Variants in ITPR2 observed in about 807,000 individuals in gnomAD.
ITPR2 encodes the protein inositol 1,4,5-trisphosphate-gated calcium channel ITPR2.
Under a neutral mutation model 317.1 loss-of-function variants are expected in ITPR2, and 207 were observed. That is an observed-to-expected ratio of 0.65 (90% CI 0.58 to 0.73). The LOEUF (loss-of-function observed/expected upper bound fraction) is 0.73. Ranked by LOEUF, ITPR2 falls within the 30% of genes least tolerant of loss-of-function variation. The pLI is 0.00. For missense variants in ITPR2, 2,613 were observed against 3,284.0 expected (o/e 0.80, Z 4.99); for synonymous variants, 1,156 against 1,149.1 (o/e 1.01, Z -0.12).
chr12:26,520,923 A>G (rs1943645266), intron 37 of ITPR2, among the ~76,000 whole-genome samples: 3 of 152,234 alleles, frequency 2.0e-5, no homozygotes, highest in Admixed American at 2.0e-4. Flanking sequence ...GGAATCAAGT[A>G]GAATTAGTTT....
chr12:26,555,602 G>A (rs1376199959), intron 36 of ITPR2, among the ~76,000 whole-genome samples: 1 of 152,168 alleles, frequency 6.6e-6, no homozygotes, highest in Non-Finnish European at 1.5e-5. Context: ...AGATACTCTA[G>A]GGTAAACATA....
intron 52 of ITPR2, among the ~76,000 whole-genome samples, chr12:26,404,092 G>C (rs1940269191): frequency 6.6e-6 from 1 of 152,196 alleles, no homozygotes; most frequent in East Asian, 1.9e-4. Flanking sequence ...GAGGTGGAAA[G>C]ACCACTTAGG....
chr12:26,444,738 G>A (rs1215065215), intron 45 of ITPR2, among the ~76,000 whole-genome samples: 1 of 44,726 alleles, frequency 2.2e-5, no homozygotes, highest in South Asian at 9.3e-4. Context: ...TAATCATGGA[G>A]ATGAATTTTA....
intron 55 of ITPR2, among the ~76,000 whole-genome samples, chr12:26,354,306 G>C (rs1175668750): frequency 6.6e-6 from 1 of 152,086 alleles, no homozygotes; most frequent in Admixed American, 6.5e-5. Flanking sequence ...TTTGGTAAAT[G>C]CATCTGTTAC....
At position 26,717,102 on chromosome 12, in the gene ITPR2, T is replaced by G. The variant is rs528027146; in HGVS notation, c.526-860A>C. Reference sequence around the variant, plus strand: ...CTGAATTTATTTAGAAGACATATTATTATAGTAAATAAAATCTCACTTAAA... The same window carrying G: ...CTGAATTTATTTAGAAGACATATTAGTATAGTAAATAAAATCTCACTTAAA... On this transcript the variant is annotated intron_variant, in intron 5 of 56. Coordinates refer to ENST00000381340, the MANE Select transcript of ITPR2 (RefSeq NM_002223.4). Among the ~76,000 whole-genome samples, 15 of 152,316 alleles carry G rather than the reference T, an allele frequency of 9.8e-5. No homozygotes were observed. In the East Asian group the frequency reaches 1.9e-3, roughly 20 times the overall value.
chr12:26,556,371 AC>A lies in ITPR2; in HGVS notation c.4825del (p.Val1609Ter). The A allele has an allele frequency of 6.2e-7, 1 of 1,612,042 alleles. No individual in the cohort carries two copies. Among genetic ancestry groups the A allele is most frequent in the Non-Finnish European group, 8.5e-7 (1 of 1,179,352 alleles). ...YRNIIEKLQD[V>X]VASLEHQFSP... ...GAACTGGTGCTCCAAGGAGGCCACT[AC>A]ATCCTAGGGAATGAAACACAAGAGA... On this transcript the variant is annotated frameshift_variant, in exon 36 of 57. Coordinates refer to ENST00000381340, the MANE Select transcript of ITPR2 (RefSeq NM_002223.4). LOFTEE classifies it high-confidence loss of function.
chr12:26,680,181 CA>C (rs567758212), intron 13 of ITPR2, among the ~76,000 whole-genome samples: 26 of 147,744 alleles, frequency 1.8e-4, no homozygotes, highest in African/African-American at 5.7e-4. Context: ...GTTAAATCAC[CA>C]AAAAAAAAGG....
At chr12:26,445,701 G>T (rs955881280) in intron 45 of ITPR2, among the ~76,000 whole-genome samples, 7 of 152,126 alleles carry the variant, frequency 4.6e-5, no homozygotes, top group African/African-American at 1.7e-4. Flanking sequence ...TTAGGAAGTG[G>T]TGGATACCAA....
At chr12:26,678,721 A>G (rs1947967133) in intron 13 of ITPR2, among the ~76,000 whole-genome samples, 1 of 152,140 alleles carries the variant, frequency 6.6e-6, no homozygotes, top group South Asian at 2.1e-4. Flanking sequence ...TATTAATACA[A>G]CGTTTTTCAC....
intron 28 of ITPR2, among the ~76,000 whole-genome samples, chr12:26,602,007 TG>T (rs1296426991): frequency 2.6e-5 from 4 of 152,248 alleles, no homozygotes; most frequent in African/African-American, 9.6e-5. Flanking sequence ...GTCAATGTCA[TG>T]GGAGTTCCCA....
chr12:26,551,777 GAA>G (rs1944530305), intron 36 of ITPR2, among the ~76,000 whole-genome samples: 1 of 152,226 alleles, frequency 6.6e-6, no homozygotes, highest in South Asian at 2.1e-4. Flanking sequence ...GACAGAGGCA[GAA>G]ACCTGGCCGG....
rs140333794 is a variant in ITPR2 at position 26,790,140 on chromosome 12, AT to A, written c.163+16del. On this transcript the variant is annotated intron_variant, in intron 2 of 56. Transcript: ENST00000381340. ...CCTCTTAGCTCACACAATTAAAAAA[AT>A]ATATGTATTTCTTACCTCTGAACTT... 1,611 of 1,569,620 alleles carry A rather than the reference AT, an allele frequency of 1.0e-3. 12 individuals carry two copies. The African/African-American group carries it at 0.018, about 18-fold the overall frequency.
chr12:26,628,765 A>C (rs10842764), intron 22 of ITPR2, among the ~76,000 whole-genome samples: 15,959 of 152,206 alleles, frequency 0.1, 1,628 homozygotes, highest in East Asian at 0.52. Flanking sequence ...GCTAGGTGCC[A>C]CAGGGAATGC....
intron 37 of ITPR2, among the ~76,000 whole-genome samples, chr12:26,496,326 A>G (rs545352999): frequency 2.4e-4 from 36 of 152,182 alleles, no homozygotes; most frequent in African/African-American, 8.4e-4. Context: ...GCTGCACCCA[A>G]CCTTCATGCT....
At chr12:26,829,228 TA>T (rs60528837) in intron 1 of ITPR2, among the ~76,000 whole-genome samples, 42,517 of 151,970 alleles carry the variant, frequency 0.28, 6,139 homozygotes, top group Non-Finnish European at 0.32. Context: ...TTTTTTATTA[TA>T]AAAAAAATTA....
intron 2 of ITPR2, among the ~76,000 whole-genome samples, chr12:26,779,913 G>T (rs977675811): frequency 6.6e-6 from 1 of 152,248 alleles, no homozygotes; most frequent in African/African-American, 2.4e-5. Context: ...GAGGTATGTA[G>T]ACGGGCCTCT....
intron 10 of ITPR2, among the ~76,000 whole-genome samples, chr12:26,689,980 T>C (rs1948203795): frequency 6.6e-6 from 1 of 152,134 alleles, no homozygotes; most frequent in Admixed American, 6.5e-5. Context: ...GGAAAAGAGC[T>C]TTTTTTCCTG....
At position 26,621,258 on chromosome 12, in the gene ITPR2, G is replaced by A. The variant is rs759647466; in HGVS notation, c.3327C>T (p.Tyr1109=). 18 of 1,613,306 alleles carry A rather than the reference G, an allele frequency of 1.1e-5. No homozygotes were observed. The highest frequency in any genetic ancestry group is 1.5e-5 in the Non-Finnish European group (18 of 1,179,638). The change falls in exon 26 of 57, where the codon TAC becomes TAT. Residue 1109 remains tyrosine, a synonymous_variant. Coordinates refer to ENST00000381340, the MANE Select transcript of ITPR2 (RefSeq NM_002223.4). ...GGTCTAGATCTGCCTTGATTTGCTT[G>A]TAGTTATCTACGTCTTGATTAGACA... ...LLVSNQDVDN[Y]KQIKADLDQL...
chr12:26,688,875 AG>A (rs1232670430), intron 10 of ITPR2, among the ~76,000 whole-genome samples: 6 of 152,182 alleles, frequency 3.9e-5, no homozygotes, highest in African/African-American at 7.2e-5. Flanking sequence ...AAAATATATG[AG>A]GGGGAAAACC....
Sources: allele counts gnomAD v4.1 joint callset (sites outside exome capture counted in the v4.1 genomes callset), GRCh38; gene constraint gnomAD v4.1.1; transcripts MANE v1.5; gene names NCBI Gene and HGNC (gene_info 2026-07-23, HGNC 2026-07-21).